JOSD2: variants seen among roughly 807,000 people sequenced by gnomAD.
JOSD2 encodes josephin-2.
Under a neutral mutation model 19.3 loss-of-function variants are expected in JOSD2, and 20 were observed. The ratio of observed to expected loss-of-function variants is 1.04; its 90% CI spans 0.73 to 1.51. JOSD2 has a LOEUF of 1.51. Ranked by LOEUF, JOSD2 falls within the 40% of genes most tolerant of loss-of-function variation. The pLI is 0.00. For missense variants in JOSD2, 215 were observed against 250.4 expected (o/e 0.86, Z 0.95); for synonymous variants, 118 against 123.7 (o/e 0.95, Z 0.31).
rs573118690 is a variant in JOSD2, at chr19:50,506,271, C to A, written c.469G>T (p.Ala157Ser). The change falls in exon 5 of 5, where the codon GCC becomes TCC. Residue 157 changes from alanine to serine, a missense_variant and splice_region_variant. Physicochemically the swap from Ala to Ser is moderately conservative, Grantham distance 99 (BLOSUM62 1). Transcript: ENST00000598418. ...EALGDEDGVR[A>S]FLAAALAQGL... ...TGGGCCAGCGCAGCCGCCAGGAAGG[C>A]CCTGGGTGGGAGAAATGGGGAGACT... 1.2e-6 allele frequency: 2 copies of A among 1,612,450 alleles called. No individual in the cohort carries two copies. The highest frequency in any genetic ancestry group is 1.7e-6 in the Non-Finnish European group (2 of 1,179,706).
At position 50,506,116 on chromosome 19, in the gene JOSD2, C is replaced by T. The variant is rs181129739; in HGVS notation, c.*57G>A. On this transcript the variant is annotated 3_prime_UTR_variant, in exon 5 of 5. Transcript: ENST00000598418. ...TGGCCTTTCCCAGGCATGCAGTGTG[C>T]GCAGCCGGAGGGGGATGCGCAGGGA... The T allele has an allele frequency of 4.4e-5, 67 of 1,539,588 alleles. No homozygotes were observed. The highest frequency in any genetic ancestry group is 1.7e-4 in the South Asian group (15 of 86,488).
intron 2 of JOSD2, chr19:50,508,090 C>T (rs1002917038): frequency 1.3e-5 from 4 of 306,880 alleles, no homozygotes; most frequent in African/African-American, 2.2e-5. Context: ...TGTCTTCTCC[C>T]GCAGCCTCCA....
chr19:50,510,467 A>G lies in JOSD2; in HGVS notation c.-17-19T>C, dbSNP rs762471974. 3 of 1,580,632 alleles carry G rather than the reference A, an allele frequency of 1.9e-6. No homozygotes were observed. The highest frequency in any genetic ancestry group is 1.7e-5 in the Admixed American group (1 of 57,182). On this transcript the variant is annotated intron_variant, in intron 1 of 4. Transcript: ENST00000598418. Reference sequence around the variant, plus strand: ...GCTCCTGCTGGGGGTTGGGAGGGGGAGAAGGTCCTCAGGGGCCCGGGATCT... The same window carrying G: ...GCTCCTGCTGGGGGTTGGGAGGGGGGGAAGGTCCTCAGGGGCCCGGGATCT...
chr19:50,506,292 A>G lies in JOSD2; in HGVS notation c.468-20T>C, dbSNP rs1979329805. 1.2e-6 allele frequency: 2 copies of G among 1,611,454 alleles called. No homozygotes were observed. Among genetic ancestry groups the G allele is most frequent in the Non-Finnish European group, 1.7e-6 (2 of 1,179,348 alleles). ...AAGGCCCTGGGTGGGAGAAATGGGG[A>G]GACTGAGGCTCGGCCAGCCTGGGCA... On this transcript the variant is annotated intron_variant, in intron 4 of 4. Coordinates refer to ENST00000598418, the MANE Select transcript of JOSD2 (RefSeq NM_001270639.2).
In JOSD2 at chr19:50,506,535, G is replaced by T; in HGVS notation, c.310C>A (p.Leu104Met). 1 of 1,548,850 alleles carries T rather than the reference G, an allele frequency of 6.5e-7. No individual in the cohort carries two copies. Among genetic ancestry groups the T allele is most frequent in the Non-Finnish European group, 8.7e-7 (1 of 1,146,186 alleles). ...ACGGGCGAGGGCAGGTTCAGGATCA[G>T]CCCCAGTACCTGGGGCAGGGCCAGC... Reference protein sequence around the residue: ...SQLALPQVLGLILNLPSPVSL... With the variant: ...SQLALPQVLGMILNLPSPVSL... Residue 104 changes from leucine to methionine, a missense_variant, in exon 4 of 5, where the codon CTG becomes ATG. Leu to Met is a conservative substitution (Grantham distance 15). Coordinates refer to ENST00000598418, the MANE Select transcript of JOSD2 (RefSeq NM_001270639.2).
At chr19:50,508,749 C>T (rs1481999547) in intron 2 of JOSD2, among the ~76,000 whole-genome samples, 2 of 150,068 alleles carry the variant, frequency 1.3e-5, no homozygotes, top group Admixed American at 6.6e-5. Context: ...GTTTCCCTCA[C>T]CACCCTTAGG....
chr19:50,507,582 G>T lies in JOSD2; in HGVS notation c.264C>A (p.Asp88Glu). 1 of 1,605,264 alleles carries T rather than the reference G, an allele frequency of 6.2e-7. No individual in the cohort carries two copies. The change falls in exon 3 of 5, where the codon GAC becomes GAA. Residue 88 changes from aspartate (D) to glutamate (E), a missense_variant. Asp to Glu is a conservative substitution (Grantham distance 45). Coordinates refer to ENST00000598418, the MANE Select transcript of JOSD2 (RefSeq NM_001270639.2). ...GCTGCTCTGGGGCCTACCTCCTCCT[G>T]TCCCACCACACGGCGGCCAGGCCCA... ...QGLGLAAVWW[D>E]RRRPLSQLAL... is the part of the protein sequence containing the mutation.
intron 1 of JOSD2, 163 bp downstream of exon 1, chr19:50,510,954 T>G: frequency 5.2e-6 from 2 of 387,332 alleles, no homozygotes; most frequent in South Asian, 1.8e-5. Flanking sequence ...TCTCTGCTCT[T>G]GTCACCTGGC....
chr19:50,506,195 C>T lies in JOSD2; in HGVS notation c.545G>A (p.Gly182Asp). 6.2e-7 allele frequency: 1 copy of T among 1,612,744 alleles called. No individual in the cohort carries two copies. The highest frequency in any genetic ancestry group is 8.5e-7 in the Non-Finnish European group (1 of 1,179,868). ...TGGTCAGTCTGTCCGCAGCCAGCTG[C>T]CCTTCTCCTCCACCTCCTTGGTCAC... ...LVVTKEVEEK[G>D]SWLRTD is the part of the protein sequence containing the mutation. The change falls in exon 5 of 5, where the codon GGC (glycine) becomes GAC (aspartate). Residue 182 changes from glycine (G) to aspartate (D), a missense_variant. Coordinates refer to ENST00000598418, the MANE Select transcript of JOSD2 (RefSeq NM_001270639.2).
At chr19:50,507,779 A>T in intron 2 of JOSD2, 80 bp from the exon 3 acceptor site, 4 of 1,530,424 alleles carry the variant, frequency 2.6e-6, no homozygotes, top group Non-Finnish European at 3.5e-6. Context: ...AGGGGCCACA[A>T]GTTGCCTCAG....
intron 1 of JOSD2, among the ~76,000 whole-genome samples, chr19:50,510,665 C>T (rs1426563988): frequency 6.6e-6 from 1 of 152,076 alleles, no homozygotes; most frequent in Non-Finnish European, 1.5e-5. Context: ...TCTTCTGCTC[C>T]CCTAGCAACA....
rs754378598 is a variant in JOSD2 at position 50,506,122 on chromosome 19, C to T, written c.*51G>A. Reference sequence around the variant, plus strand: ...TTCCCAGGCATGCAGTGTGCGCAGCCGGAGGGGGATGCGCAGGGACTGCGC... The same window carrying T: ...TTCCCAGGCATGCAGTGTGCGCAGCTGGAGGGGGATGCGCAGGGACTGCGC... On this transcript the variant is annotated 3_prime_UTR_variant, in exon 5 of 5. Transcript: ENST00000598418. The T allele has an allele frequency of 1.2e-5, 19 of 1,563,892 alleles. No individual in the cohort carries two copies. Among genetic ancestry groups the T allele is most frequent in the East Asian group, 2.2e-5 (1 of 44,686 alleles).
At chr19:50,510,071 A>AAAAAAAAAAT in intron 2 of JOSD2, 1 of 498,982 alleles carries the variant, frequency 2.0e-6, no homozygotes, top group Non-Finnish European at 3.6e-6. Context: ...AAAAAAAGAA[A>AAAAAAAAAAT]GAACCACTGG....
rs139073196 is a variant in JOSD2 at position 50,506,227 on chromosome 19, C to T, written c.513G>A (p.Leu171=). The T allele has an allele frequency of 1.5e-4, 249 of 1,612,760 alleles. 1 individual carries two copies. In the African/African-American group the frequency reaches 2.9e-3, roughly 19 times the overall value. Residue 171 remains leucine, a synonymous_variant, in exon 5 of 5, where the codon CTG becomes CTA. Coordinates refer to ENST00000598418, the MANE Select transcript of JOSD2 (RefSeq NM_001270639.2). ...CCTCCACCTCCTTGGTCACTACCAGCAGCACCTCGCACAGGCCCTGGGCCA... is the reference window on the plus strand; with the variant it reads ...CCTCCACCTCCTTGGTCACTACCAGTAGCACCTCGCACAGGCCCTGGGCCA... ...AALAQGLCEV[L]LVVTKEVEEK...
intron 2 of JOSD2, among the ~76,000 whole-genome samples, chr19:50,509,289 C>T (rs1979585273): frequency 6.6e-6 from 1 of 151,846 alleles, no homozygotes; most frequent in Middle Eastern, 3.2e-3. Flanking sequence ...GACGGGGTTT[C>T]GCCCTGTTGG....
chr19:50,510,369 C>T lies in JOSD2; in HGVS notation c.63G>A (p.Leu21=). ...PPTVYHERQR[L]ELCAVHALNN... ...TGAGGGCGTGGACAGCACACAGCTCCAGGCGCTGCCGTTCGTGGTACACGG... is the reference window on the plus strand; with the variant it reads ...TGAGGGCGTGGACAGCACACAGCTCTAGGCGCTGCCGTTCGTGGTACACGG... The change falls in exon 2 of 5, where the codon CTG becomes CTA. Residue 21 remains leucine (L), a synonymous_variant. Coordinates refer to ENST00000598418, the MANE Select transcript of JOSD2 (RefSeq NM_001270639.2). The T allele has an allele frequency of 6.2e-7, 1 of 1,613,500 alleles. No individual in the cohort carries two copies. Among genetic ancestry groups the T allele is most frequent in the Non-Finnish European group, 8.5e-7 (1 of 1,179,956 alleles).
rs546310508 is a variant in JOSD2 at position 50,507,892 on chromosome 19, T to C, written c.147-193A>G. ...TCCCCAAGTCCTGTCTCTCCTGCCC[T>C]GACTCTGCCCTGTCCCCAAGTCCTG... On this transcript the variant is annotated intron_variant, in intron 2 of 4. Coordinates refer to ENST00000598418, the MANE Select transcript of JOSD2 (RefSeq NM_001270639.2). 361 of 652,410 alleles carry C rather than the reference T, an allele frequency of 5.5e-4. 1 individual carries two copies. The highest frequency in any genetic ancestry group is 6.2e-4 in the Non-Finnish European group (244 of 391,638). The allele number at this position is 652,410 out of a possible 1,614,324, so 40.4% of individuals were successfully genotyped here.
At position 50,507,592 on chromosome 19, in the gene JOSD2, ACGGC is replaced by A; in HGVS notation, c.250_253del (p.Ala84CysfsTer20). ...GGCCTACCTCCTCCTGTCCCACCAC[ACGGC>A]GGCCAGGCCCAGCCCCTGCAGAGCG... On this transcript the variant is annotated frameshift_variant, in exon 3 of 5. Transcript: ENST00000598418. LOFTEE classifies it high-confidence loss of function. 6.2e-7 allele frequency: 1 copy of A among 1,606,634 alleles called. No individual in the cohort carries two copies. Among genetic ancestry groups the A allele is most frequent in the Non-Finnish European group, 8.5e-7 (1 of 1,179,696 alleles).
At position 50,507,517 on chromosome 19, in the gene JOSD2, A is replaced by G. The variant is rs1601348487; in HGVS notation, c.272+57T>C. ...CCTCCCTGCCCCCCAACAGGCTCAC[A>G]CTATAGGGTGCCCTCTGTGCCCGGC... On this transcript the variant is annotated intron_variant, in intron 3 of 4. Transcript: ENST00000598418. 5 of 1,544,938 alleles carry G rather than the reference A, an allele frequency of 3.2e-6. No homozygotes were observed. In the East Asian group the frequency reaches 1.1e-4, roughly 35 times the overall value.
Sources: allele counts gnomAD v4.1 joint callset (sites outside exome capture counted in the v4.1 genomes callset), GRCh38; gene constraint gnomAD v4.1.1; transcripts MANE v1.5; gene names NCBI Gene and HGNC (gene_info 2026-07-23, HGNC 2026-07-21).